GRM7: variants seen among roughly 807,000 people sequenced by gnomAD.
The protein encoded by GRM7 is glutamate metabotropic receptor 7.
GRM7 carries 35 observed loss-of-function variants against 84.5 expected under a neutral mutation model. The observed-to-expected ratio is 0.41, with a 90% CI of 0.32 to 0.55. GRM7 has a LOEUF of 0.55. Among genes scored for constraint, GRM7 ranks in the 20% least tolerant of loss-of-function variants. The probability of loss-of-function intolerance (pLI) is 0.19; values close to 1 mark genes in which losing one functional copy is unlikely to be tolerated. For synonymous variants in GRM7, 487 were observed against 455.1 expected (o/e 1.07, Z -0.89); for missense variants, 1,003 against 1,194.6 (o/e 0.84, Z 2.36).
chr3:7,227,390 C>T (rs998246276), intron 2 of GRM7, among the ~76,000 whole-genome samples: 10 of 152,140 alleles, frequency 6.6e-5, no homozygotes, highest in African/African-American at 2.4e-4. Flanking sequence ...AATGTCTACC[C>T]TACCCCACTG....
chr3:7,091,301 T>C (rs1325675785), intron 1 of GRM7, among the ~76,000 whole-genome samples: 1 of 152,164 alleles, frequency 6.6e-6, no homozygotes, highest in Non-Finnish European at 1.5e-5. Flanking sequence ...CTTCTGGGAC[T>C]TAAATATCCT....
At chr3:7,236,282 G>A (rs977819537) in intron 2 of GRM7, among the ~76,000 whole-genome samples, 1 of 152,170 alleles carries the variant, frequency 6.6e-6, no homozygotes, top group Non-Finnish European at 1.5e-5. Flanking sequence ...TTTGCCTGGT[G>A]CCTAAGGTGT....
At chr3:7,509,335 C>A (rs1420207816) in intron 7 of GRM7, among the ~76,000 whole-genome samples, 2 of 152,114 alleles carry the variant, frequency 1.3e-5, no homozygotes, top group Non-Finnish European at 2.9e-5. Context: ...ATAAATTAAA[C>A]TTCATCTTAG....
chr3:7,427,917 A>G (rs1696677452), intron 5 of GRM7, among the ~76,000 whole-genome samples: 1 of 152,184 alleles, frequency 6.6e-6, no homozygotes, highest in Admixed American at 6.5e-5. Flanking sequence ...AGAATCCAAA[A>G]CAAGGTCTGG....
chr3:6,944,591 G>A (rs1189090859), intron 1 of GRM7, among the ~76,000 whole-genome samples: 3 of 152,054 alleles, frequency 2.0e-5, no homozygotes, highest in African/African-American at 7.2e-5. Context: ...ATTTTGTTGA[G>A]TCTTTGCATA....
At chr3:7,715,434 C>T (rs908761394) in intron 9 of GRM7, among the ~76,000 whole-genome samples, 1 of 152,176 alleles carries the variant, frequency 6.6e-6, no homozygotes, top group African/African-American at 2.4e-5. Context: ...CATCATGCCA[C>T]TGCACTCCAC....
intron 2 of GRM7, among the ~76,000 whole-genome samples, chr3:7,273,971 C>A (rs550655622): frequency 6.6e-6 from 1 of 151,898 alleles, no homozygotes; most frequent in African/African-American, 2.4e-5. Context: ...TCTTTTGTGG[C>A]TTTAATGGAA....
At chr3:7,399,116 A>G (rs954900580) in intron 4 of GRM7, among the ~76,000 whole-genome samples, 3 of 151,668 alleles carry the variant, frequency 2.0e-5, no homozygotes, top group Admixed American at 2.0e-4. Context: ...TCATGCTTCC[A>G]CCTTCCACTT....
intron 9 of GRM7, among the ~76,000 whole-genome samples, chr3:7,729,311 G>A (rs571957084): frequency 9.9e-5 from 15 of 152,280 alleles, no homozygotes; most frequent in African/African-American, 3.1e-4. Flanking sequence ...ATATTTGAAC[G>A]TGTCCTTTTC....
chr3:7,274,720 G>A (rs1698989297), intron 2 of GRM7, among the ~76,000 whole-genome samples: 2 of 151,744 alleles, frequency 1.3e-5, no homozygotes, highest in African/African-American at 4.8e-5. Context: ...TTAATTTTCT[G>A]TAGTTTGAAA....
At chr3:6,933,146 A>C (rs1194832512) in intron 1 of GRM7, among the ~76,000 whole-genome samples, 1 of 152,248 alleles carries the variant, frequency 6.6e-6, no homozygotes, top group Non-Finnish European at 1.5e-5. Flanking sequence ...ATTTAAAATA[A>C]GGTGGAGTTT....
At chr3:7,326,618 C>G (rs145208052) in intron 4 of GRM7, among the ~76,000 whole-genome samples, 1 of 151,928 alleles carries the variant, frequency 6.6e-6, no homozygotes, top group Non-Finnish European at 1.5e-5. Context: ...GGGGCCGAGG[C>G]GGGTGGATCA....
intron 1 of GRM7, among the ~76,000 whole-genome samples, chr3:6,926,731 T>C (rs950065353): frequency 2.0e-5 from 3 of 152,214 alleles, no homozygotes; most frequent in African/African-American, 7.2e-5. Context: ...TAGTGTCCCC[T>C]GAACATCACC....
intron 4 of GRM7, among the ~76,000 whole-genome samples, chr3:7,340,942 C>T (rs1701614209): frequency 6.6e-6 from 1 of 152,088 alleles, no homozygotes; most frequent in South Asian, 2.1e-4. Flanking sequence ...GCTTCCCCTG[C>T]TTGTACCTGG....
intron 4 of GRM7, among the ~76,000 whole-genome samples, chr3:7,396,118 G>C (rs891317129): frequency 2.0e-5 from 3 of 151,920 alleles, no homozygotes; most frequent in African/African-American, 7.3e-5. Context: ...CTCTGAGAGG[G>C]TTCATTTTGT....
rs75528034 is a variant in GRM7 at position 7,194,099 on chromosome 3, A to G, written c.736+47431A>G. 4.5e-3 allele frequency among the ~76,000 whole-genome samples: 690 copies of G among 152,216 alleles called. 19 individuals carry two copies. The East Asian group carries it at 0.078, about 17-fold the overall frequency. Reference sequence around the variant, plus strand: ...CTAGTAAGCCAAATATTTTATCTCCATTAATTAGAAAAAAAATATTGTATA... The same window carrying G: ...CTAGTAAGCCAAATATTTTATCTCCGTTAATTAGAAAAAAAATATTGTATA... On this transcript the variant is annotated intron_variant, in intron 2 of 9. Transcript: ENST00000357716.
At chr3:7,577,346 G>A (rs1286301394) in intron 7 of GRM7, among the ~76,000 whole-genome samples, 1 of 152,160 alleles carries the variant, frequency 6.6e-6, no homozygotes, top group East Asian at 1.9e-4. Context: ...CCATATGATG[G>A]TGATGCACTC....
At chr3:7,583,607 A>C (rs1449348663) in intron 8 of GRM7, among the ~76,000 whole-genome samples, 1 of 152,220 alleles carries the variant, frequency 6.6e-6, no homozygotes, top group Non-Finnish European at 1.5e-5. Context: ...TCATTGTGTG[A>C]AAACCAATGA....
At chr3:7,016,195 T>C (rs1224466720) in intron 1 of GRM7, among the ~76,000 whole-genome samples, 1 of 152,182 alleles carries the variant, frequency 6.6e-6, no homozygotes, top group African/African-American at 2.4e-5. Context: ...CTTTCTTTCT[T>C]TGGGTCACAT....
Sources: gnomAD v4.1 joint callset for allele counts (sites outside exome capture counted in the v4.1 genomes callset) on GRCh38, gnomAD v4.1.1 for gene constraint, MANE v1.5 for transcripts, NCBI Gene and HGNC (gene_info 2026-07-23, HGNC 2026-07-21) for gene names.